The following PRDM15 variants were observed in gnomAD, a reference collection of about 807,000 sequenced individuals.
PRDM15 encodes PR/SET domain 15.
In PRDM15, 64 loss-of-function variants were observed where a neutral mutation model predicts 128.6. The ratio of observed to expected loss-of-function variants is 0.50; its 90% CI spans 0.41 to 0.61. The LOEUF (loss-of-function observed/expected upper bound fraction) is 0.61. Ranked by LOEUF, PRDM15 falls within the 20% of genes least tolerant of loss-of-function variation. The pLI, the probability that PRDM15 is intolerant of heterozygous loss-of-function variation, is 0.00. For missense variants in PRDM15, 1,242 were observed against 1,569.1 expected (o/e 0.79, Z 3.52); for synonymous variants, 615 against 621.8 (o/e 0.99, Z 0.16).
At chr21:41,820,236 A>G in intron 16 of PRDM15, 62 bp from the exon 17 acceptor site, 1 of 1,329,946 alleles carries the variant, frequency 7.5e-7, no homozygotes, top group Non-Finnish European at 1.1e-6. Flanking sequence ...CAGCGAGGGC[A>G]CTTTCCCCAG....
intron 6 of PRDM15, among the ~76,000 whole-genome samples, chr21:41,843,203 T>G (rs1383152416): frequency 1.3e-5 from 2 of 152,214 alleles, no homozygotes; most frequent in Admixed American, 6.5e-5. Context: ...CATTTGCTTA[T>G]TTTTTTCCCG....
chr21:41,836,161 G>A lies in PRDM15; in HGVS notation c.1230C>T (p.Arg410=), dbSNP rs777115910. Residue 410 remains arginine, a synonymous_variant, in exon 10 of 24, where the codon CGC becomes CGT. Coordinates refer to ENST00000398548, the MANE Select transcript of PRDM15 (RefSeq NM_001040424.3). ...AAACGTGCTGCTTTAGGCTCTCTTT[G>A]CGGCTGAACAATTTTGCACACTCTT... ...KCEECAKLFS[R]KESLKQHVSY... The A allele has an allele frequency of 3.1e-6, 5 of 1,613,850 alleles. No homozygotes were observed.
At chr21:41,833,517 C>T (rs939076415) in intron 11 of PRDM15, among the ~76,000 whole-genome samples, 2 of 152,310 alleles carry the variant, frequency 1.3e-5, no homozygotes, top group East Asian at 3.9e-4. Context: ...GTTTAATTGT[C>T]TAAGGAAGAT....
At position 41,831,482 on chromosome 21, in the gene PRDM15, A is replaced by G. The variant is rs949716530; in HGVS notation, c.1367-3149T>C. ...TAGAGATTCACTGGCCAGGGCTCAC[A>G]AAATGAGACTCTCTGGGGTGGGCCT... On this transcript the variant is annotated intron_variant, in intron 11 of 23. Coordinates refer to ENST00000398548, the MANE Select transcript of PRDM15 (RefSeq NM_001040424.3). Among the ~76,000 whole-genome samples the G allele has an allele frequency of 4.6e-5, 7 of 152,322 alleles. No homozygotes were observed. The East Asian group carries it at 7.7e-4, about 17-fold the overall frequency.
chr21:41,830,382 G>T (rs1241193298), intron 11 of PRDM15, among the ~76,000 whole-genome samples: 2 of 148,678 alleles, frequency 1.3e-5, no homozygotes, highest in Non-Finnish European at 3.0e-5. Context: ...CATACGCTCA[G>T]CACACCAAAT....
chr21:41,831,397 G>A (rs1473522620), intron 11 of PRDM15, among the ~76,000 whole-genome samples: 1 of 152,230 alleles, frequency 6.6e-6, no homozygotes, highest in Non-Finnish European at 1.5e-5. Flanking sequence ...CAAGGTGTCT[G>A]CAGACATTGC....
intron 18 of PRDM15, among the ~76,000 whole-genome samples, chr21:41,816,106 G>A (rs1055057986): frequency 6.6e-6 from 1 of 152,386 alleles, no homozygotes; most frequent in South Asian, 2.1e-4. Flanking sequence ...ACGCCGGGGC[G>A]GTGGGTAAAC....
intron 5 of PRDM15, among the ~76,000 whole-genome samples, chr21:41,848,383 A>G (rs1732395233): frequency 6.6e-6 from 1 of 152,230 alleles, no homozygotes; most frequent in Non-Finnish European, 1.5e-5. Context: ...TTGTCATACT[A>G]AAAATAAAGA....
In PRDM15 at chr21:41,860,316, G is replaced by A. The variant is rs751403788; in HGVS notation, c.37+11C>T. 1.2e-6 allele frequency: 2 copies of A among 1,612,386 alleles called. No homozygotes were observed. Among genetic ancestry groups the A allele is most frequent in the South Asian group, 1.1e-5 (1 of 91,026 alleles). The stretch of plus-strand genomic sequence containing the variant: ...GGTCTCGGACCTGGGACAGGTCCCT[G>A]GGTCACTTACAGATGAACATGATCT... On this transcript the variant is annotated intron_variant, in intron 2 of 23. Coordinates refer to ENST00000398548, the MANE Select transcript of PRDM15 (RefSeq NM_001040424.3).
chr21:41,878,689 C>T (rs778790486), intron 1 of PRDM15: 615 of 1,557,570 alleles, frequency 3.9e-4, no homozygotes, highest in Non-Finnish European at 5.2e-4. Context: ...TGGGAGACCC[C>T]ATCACCAGGA....
At chr21:41,844,200 G>A (rs2063159251) in intron 6 of PRDM15, among the ~76,000 whole-genome samples, 1 of 152,046 alleles carries the variant, frequency 6.6e-6, no homozygotes, top group African/African-American at 2.4e-5. Flanking sequence ...CAGCAGCACT[G>A]AAAGAGCCAA....
chr21:41,853,315 C>G (rs1444344546), intron 5 of PRDM15, among the ~76,000 whole-genome samples: 3 of 152,122 alleles, frequency 2.0e-5, no homozygotes, highest in Non-Finnish European at 4.4e-5. Flanking sequence ...CTTAAGCTAC[C>G]GAGCTACTAA....
At chr21:41,869,521 A>G (rs762498341) in intron 1 of PRDM15, among the ~76,000 whole-genome samples, 19 of 148,008 alleles carry the variant, frequency 1.3e-4, no homozygotes, top group Non-Finnish European at 2.7e-4. Flanking sequence ...ATCTCGGCTC[A>G]CCACAACCTC....
Position 41,830,185 on chromosome 21 carries a change from C to T in PRDM15, c.1367-1852G>A, listed in dbSNP as rs1367349953. 3.3e-5 allele frequency among the ~76,000 whole-genome samples: 5 copies of T among 149,528 alleles called. No homozygotes were observed. The East Asian group carries it at 8.0e-4, about 24-fold the overall frequency. ...CACACAACACACACATTCAACATAC[C>T]CCCAACACAAATACACACATTCAAC... is the stretch of plus-strand genomic sequence containing the variant. On this transcript the variant is annotated intron_variant, in intron 11 of 23. Coordinates refer to ENST00000398548, the MANE Select transcript of PRDM15 (RefSeq NM_001040424.3).
intron 21 of PRDM15, among the ~76,000 whole-genome samples, chr21:41,806,266 AC>A (rs771444859): frequency 2.3e-3 from 2 of 882 alleles, no homozygotes; most frequent in Non-Finnish European, 1.9e-3. Flanking sequence ...CATCACCACC[AC>A]CCATCACCAC....
At position 41,860,286 on chromosome 21, in the gene PRDM15, G is replaced by C. The variant is rs748591763; in HGVS notation, c.37+41C>G. ...ACGCCCATCTGTGTTCTATGACATA[G>C]GGCTGGTCTCGGACCTGGGACAGGT... On this transcript the variant is annotated intron_variant, in intron 2 of 23. Transcript: ENST00000398548. 10 of 1,554,796 alleles carry C rather than the reference G, an allele frequency of 6.4e-6. No homozygotes were observed. In the Admixed American group the frequency reaches 6.7e-5, roughly 10 times the overall value.
chr21:41,816,587 T>C (rs2062060706), intron 18 of PRDM15, among the ~76,000 whole-genome samples: 1 of 152,236 alleles, frequency 6.6e-6, no homozygotes, highest in Non-Finnish European at 1.5e-5. Flanking sequence ...GAAGAACTAC[T>C]GAGCCTGAAC....
chr21:41,823,257 A>T, intron 14 of PRDM15, 61 bp downstream of exon 14: 1 of 1,581,640 alleles, frequency 6.3e-7, no homozygotes, highest in Non-Finnish European at 8.6e-7. Context: ...TGACTGTGAC[A>T]GACGCTGGCC....
chr21:41,826,669 G>A (rs1042817585), intron 12 of PRDM15, among the ~76,000 whole-genome samples: 3 of 152,070 alleles, frequency 2.0e-5, no homozygotes, highest in Non-Finnish European at 2.9e-5. Flanking sequence ...CTACACTGCC[G>A]ACCCATTCTG....
Sources: allele counts gnomAD v4.1 joint callset (sites outside exome capture counted in the v4.1 genomes callset), GRCh38; gene constraint gnomAD v4.1.1; transcripts MANE v1.5; gene names NCBI Gene and HGNC (gene_info 2026-07-23, HGNC 2026-07-21).